The following MAGI2 variants were observed in gnomAD, a reference collection of about 807,000 sequenced individuals.
The protein encoded by MAGI2 is membrane associated guanylate kinase, WW and PDZ domain containing 2.
MAGI2 carries 35 observed loss-of-function variants against 133.3 expected under a neutral mutation model. That is an observed-to-expected ratio of 0.26 (90% confidence interval 0.20 to 0.35). The LOEUF is 0.35. MAGI2 is among the 10% of genes least tolerant of loss of function. The pLI is 1.00. For synonymous variants in MAGI2, 729 were observed against 710.6 expected, an observed-to-expected ratio of 1.03 and a Z score of -0.41; for missense variants, 1,636 against 1,863.4, an observed-to-expected ratio of 0.88 and a Z score of 2.25.
chr7:79,368,879 C>A (rs1375330017), intron 1 of MAGI2, among the ~76,000 whole-genome samples: 1 of 136,898 alleles, frequency 7.3e-6, no homozygotes, highest in African/African-American at 2.7e-5. Flanking sequence ...AAAAAAAAGT[C>A]TATTGTAAAA....
At chr7:78,224,193 T>C (rs1424529169) in intron 10 of MAGI2, among the ~76,000 whole-genome samples, 1 of 152,184 alleles carries the variant, frequency 6.6e-6, no homozygotes, top group Non-Finnish European at 1.5e-5. Context: ...ACAGGAGCAA[T>C]GAACAATGTA....
chr7:78,536,937 T>C (rs1798002023), intron 3 of MAGI2, among the ~76,000 whole-genome samples: 1 of 152,084 alleles, frequency 6.6e-6, no homozygotes, highest in African/African-American at 2.4e-5. Context: ...GTACCCAATG[T>C]GTAGTCTTTT....
chr7:78,313,075 G>A (rs1445576238), intron 9 of MAGI2, among the ~76,000 whole-genome samples: 1 of 151,914 alleles, frequency 6.6e-6, no homozygotes, highest in Non-Finnish European at 1.5e-5. Flanking sequence ...TGGAACTGGA[G>A]GTCCTTAAGT....
At chr7:79,235,442 C>T (rs190100497) in intron 1 of MAGI2, among the ~76,000 whole-genome samples, 2,706 of 152,172 alleles carry the variant, frequency 0.018, 78 homozygotes, top group African/African-American at 0.062. Flanking sequence ...TAGCAATCAG[C>T]GAGACTCCGT....
At chr7:79,266,226 C>T (rs1031991343) in intron 1 of MAGI2, among the ~76,000 whole-genome samples, 1 of 149,312 alleles carries the variant, frequency 6.7e-6, no homozygotes, top group Non-Finnish European at 1.5e-5. Context: ...CATCATATCC[C>T]TCCCTGCCCA....
intron 3 of MAGI2, among the ~76,000 whole-genome samples, chr7:78,610,061 T>G (rs1481256932): frequency 1.3e-5 from 2 of 151,956 alleles, no homozygotes; most frequent in Non-Finnish European, 2.9e-5. Flanking sequence ...TGATGGTGAG[T>G]GGTGCCACTT....
chr7:78,491,171 G>A lies in MAGI2; in HGVS notation c.966-1331C>T, dbSNP rs939891887. 3.3e-4 allele frequency among the ~76,000 whole-genome samples: 50 copies of A among 152,118 alleles called. No individual in the cohort carries two copies. In the East Asian group the frequency reaches 9.7e-3, roughly 30 times the overall value. On this transcript the variant is annotated intron_variant, in intron 5 of 21. Transcript: ENST00000354212. ...AATGAAGTTTAGACAATTCACCCAG[G>A]CAGTATATTTAATCACAAGTGTGTA...
At chr7:78,661,402 A>G (rs900627882) in intron 2 of MAGI2, among the ~76,000 whole-genome samples, 1 of 152,220 alleles carries the variant, frequency 6.6e-6, no homozygotes, top group African/African-American at 2.4e-5. Context: ...TGACCCAGAT[A>G]CAAAACTCTT....
intron 7 of MAGI2, chr7:78,347,246 G>A (rs1791015642): frequency 6.6e-6 from 1 of 152,336 alleles, no homozygotes; most frequent in Non-Finnish European, 1.5e-5. Flanking sequence ...AGAAAGGAAA[G>A]GAGACAGAAG....
intron 20 of MAGI2, among the ~76,000 whole-genome samples, chr7:78,106,844 C>G (rs959550885): frequency 6.6e-5 from 10 of 151,964 alleles, no homozygotes; most frequent in African/African-American, 2.4e-4. Context: ...TCTTTTTGTG[C>G]AGAAACTTTT....
chr7:78,893,882 T>A (rs574344895), intron 2 of MAGI2, among the ~76,000 whole-genome samples: 2 of 151,856 alleles, frequency 1.3e-5, no homozygotes, highest in South Asian at 4.2e-4. Flanking sequence ...ATAATAATAA[T>A]AAAAAAAAGA....
intron 7 of MAGI2, among the ~76,000 whole-genome samples, chr7:78,347,664 G>T (rs1791056666): frequency 6.6e-6 from 1 of 152,156 alleles, no homozygotes; most frequent in African/African-American, 2.4e-5. Flanking sequence ...CATAAGAAAG[G>T]CTTTACTGGG....
chr7:79,419,776 T>C (rs564786894), intron 1 of MAGI2, among the ~76,000 whole-genome samples: 6 of 152,192 alleles, frequency 3.9e-5, no homozygotes, highest in African/African-American at 1.2e-4. Flanking sequence ...GATATTGAAG[T>C]AGCAAATGCA....
At chr7:78,152,067 A>C (rs1419906908) in intron 16 of MAGI2, among the ~76,000 whole-genome samples, 1 of 152,198 alleles carries the variant, frequency 6.6e-6, no homozygotes, top group Non-Finnish European at 1.5e-5. Flanking sequence ...TGAAAAGTGA[A>C]ATGACTATAA....
At chr7:78,592,289 G>A (rs1804087639) in intron 3 of MAGI2, among the ~76,000 whole-genome samples, 1 of 152,026 alleles carries the variant, frequency 6.6e-6, no homozygotes. Flanking sequence ...CCAGGACCAG[G>A]AGTCAGCAAA....
At chr7:79,418,522 T>A (rs147187984) in intron 1 of MAGI2, among the ~76,000 whole-genome samples, 2 of 152,096 alleles carry the variant, frequency 1.3e-5, no homozygotes, top group Non-Finnish European at 2.9e-5. Flanking sequence ...AGATTTCAGA[T>A]CATTACGATG....
At chr7:79,269,066 G>A (rs771773188) in intron 1 of MAGI2, among the ~76,000 whole-genome samples, 2 of 152,144 alleles carry the variant, frequency 1.3e-5, no homozygotes, top group Non-Finnish European at 2.9e-5. Flanking sequence ...ATTTCAATAC[G>A]CTTTTATTGG....
chr7:79,326,592 AC>A (rs1241475713), intron 1 of MAGI2, among the ~76,000 whole-genome samples: 1 of 152,160 alleles, frequency 6.6e-6, no homozygotes, highest in Non-Finnish European at 1.5e-5. Flanking sequence ...TAGTGATAAT[AC>A]GCCTTGGAAA....
At chr7:78,127,838 AC>A (rs1193507726) in intron 18 of MAGI2, among the ~76,000 whole-genome samples, 1 of 151,804 alleles carries the variant, frequency 6.6e-6, no homozygotes, top group Non-Finnish European at 1.5e-5. Flanking sequence ...TCTCACACAC[AC>A]CCCTTGGCAG....
Sources: gnomAD v4.1 joint callset for allele counts (sites outside exome capture counted in the v4.1 genomes callset) on GRCh38, gnomAD v4.1.1 for gene constraint, MANE v1.5 for transcripts, NCBI Gene and HGNC (gene_info 2026-07-23, HGNC 2026-07-21) for gene names.